The following SGK1 variants were observed in gnomAD, a reference collection of about 807,000 sequenced individuals.
SGK1 encodes the protein serum/glucocorticoid regulated kinase 1.
In SGK1, 26 loss-of-function variants were observed where a neutral mutation model predicts 64.2. The ratio of observed to expected loss-of-function variants is 0.40; its 90% CI spans 0.30 to 0.56. The LOEUF (loss-of-function observed/expected upper bound fraction) is 0.56. SGK1 is among the 20% of genes least tolerant of loss of function. The pLI is 0.38. For synonymous variants in SGK1, 265 were observed against 239.7 expected (o/e 1.11, Z -0.98); for missense variants, 519 against 645.6 (o/e 0.80, Z 2.12).
chr6:134,275,794 T>C (rs1395193732), intron 1 of SGK1, among the ~76,000 whole-genome samples: 1 of 152,184 alleles, frequency 6.6e-6, no homozygotes, highest in Non-Finnish European at 1.5e-5. Flanking sequence ...CTCTTAAAGA[T>C]TGTTCTCCTG....
At chr6:134,210,864 G>A (rs112445799) in intron 2 of SGK1, among the ~76,000 whole-genome samples, 118 of 142,676 alleles carry the variant, frequency 8.3e-4, no homozygotes, top group African/African-American at 2.9e-3. Context: ...GGTGGCTCAC[G>A]CCTGTAATCC....
chr6:134,296,125 A>G (rs933354600), intron 1 of SGK1, among the ~76,000 whole-genome samples: 1 of 152,182 alleles, frequency 6.6e-6, no homozygotes, highest in Non-Finnish European at 1.5e-5. Context: ...GAGTCTTCTT[A>G]TCTGTGTGAC....
chr6:134,307,219 C>T (rs968773394), intron 1 of SGK1, among the ~76,000 whole-genome samples: 6 of 152,148 alleles, frequency 3.9e-5, no homozygotes, highest in Admixed American at 3.3e-4. Context: ...TTAGTGACAA[C>T]GTAGAGAAGG....
intron 3 of SGK1, among the ~76,000 whole-genome samples, chr6:134,177,225 CAAACAAAAACA>C (rs1775256394): frequency 3.7e-5 from 4 of 109,098 alleles, no homozygotes; most frequent in East Asian, 2.0e-4. Flanking sequence ...AACAAACAAA[CAAACAAAAACA>C]AAACAAAAAC....
chr6:134,241,714 G>C (rs1265505435), intron 2 of SGK1, among the ~76,000 whole-genome samples: 1 of 152,046 alleles, frequency 6.6e-6, no homozygotes, highest in African/African-American at 2.4e-5. Context: ...TCCGCCTCCC[G>C]GGTTCAGGCC....
chr6:134,231,028 A>T (rs1776270322), intron 2 of SGK1, among the ~76,000 whole-genome samples: 1 of 152,308 alleles, frequency 6.6e-6, no homozygotes, highest in Middle Eastern at 3.4e-3. Flanking sequence ...AAATGAAATG[A>T]AATGAAATAA....
chr6:134,199,296 C>T (rs1220417836), intron 3 of SGK1, among the ~76,000 whole-genome samples: 2 of 152,126 alleles, frequency 1.3e-5, no homozygotes, highest in Non-Finnish European at 1.5e-5. Flanking sequence ...TGGTGGCTCA[C>T]GCCTGTAATC....
intron 1 of SGK1, chr6:134,298,466 A>G: frequency 1.2e-6 from 1 of 831,172 alleles, no homozygotes. Flanking sequence ...CCACCTCCAG[A>G]TTAAGTGGGC....
intron 2 of SGK1, among the ~76,000 whole-genome samples, chr6:134,237,270 T>C (rs1562261136): frequency 6.6e-6 from 1 of 151,922 alleles, no homozygotes; most frequent in African/African-American, 2.4e-5. Flanking sequence ...TTGCCCAGGC[T>C]GGTCTCAAAC....
At chr6:134,189,231 T>G (rs946711668) in intron 3 of SGK1, among the ~76,000 whole-genome samples, 8 of 147,146 alleles carry the variant, frequency 5.4e-5, no homozygotes, top group Non-Finnish European at 1.1e-4. Flanking sequence ...TGTGTGTGCG[T>G]GTGCGTGTGC....
chr6:134,198,724 C>CTTTTTTTTTTTTTTTTTTTTTTT, intron 3 of SGK1, among the ~76,000 whole-genome samples: 1 of 65,948 alleles, frequency 1.5e-5, no homozygotes, highest in Non-Finnish European at 3.5e-5. Context: ...TTCTCTTTTT[C>CTTTTTTTTTTTTTTTTTTTTTTT]TATTTTTTTT....
chr6:134,265,631 TAC>T lies in SGK1; in HGVS notation c.70-3485_70-3484del, dbSNP rs71545096. Among the ~76,000 whole-genome samples, 1,169 of 144,438 alleles carry T rather than the reference TAC, an allele frequency of 8.1e-3. 19 individuals are homozygous for T. Among genetic ancestry groups the T allele is most frequent in the African/African-American group, 0.028 (1,107 of 38,988 alleles). 94.8% of individuals were successfully genotyped at this position (144,438 alleles called of 152,430 possible). A position where few individuals can be genotyped will look rare whatever the true frequency, so the allele number is the denominator to read the frequency against. ...TTTTATATATATACATATATATATATACATATATATATACACAGAAACACTAT... is the reference window on the plus strand; with the variant it reads ...TTTTATATATATACATATATATATATATATATATATACACAGAAACACTAT... On this transcript the variant is annotated intron_variant, in intron 1 of 13. Transcript: ENST00000367858.
chr6:134,308,235 G>C (rs1777562753), intron 1 of SGK1, among the ~76,000 whole-genome samples: 1 of 151,976 alleles, frequency 6.6e-6, no homozygotes, highest in Admixed American at 6.6e-5. Context: ...TCATTCTATG[G>C]GAAAGATCAC....
chr6:134,190,970 G>A (rs1432061708), intron 3 of SGK1, among the ~76,000 whole-genome samples: 3 of 152,046 alleles, frequency 2.0e-5, no homozygotes, highest in Admixed American at 2.0e-4. Context: ...TGTTTTTGTC[G>A]AAGAGCAATC....
intron 3 of SGK1, among the ~76,000 whole-genome samples, chr6:134,182,985 A>G (rs1041423792): frequency 9.2e-5 from 14 of 152,248 alleles, no homozygotes; most frequent in African/African-American, 3.4e-4. Context: ...GAAGGCAAAT[A>G]TAGACCTATT....
intron 2 of SGK1, chr6:134,215,158 T>G: frequency 2.3e-6 from 1 of 426,380 alleles, no homozygotes; most frequent in South Asian, 1.7e-5. Context: ...GAGAGAGCTT[T>G]GTTGCCCAGG....
intron 3 of SGK1, among the ~76,000 whole-genome samples, chr6:134,188,563 G>A (rs908406889): frequency 6.6e-6 from 1 of 151,974 alleles, no homozygotes; most frequent in African/African-American, 2.4e-5. Flanking sequence ...GTAATTCAGC[G>A]GTGTTACCCA....
At chr6:134,170,947 C>T in intron 12 of SGK1, 32 bp from the exon 13 acceptor site, 1 of 1,605,932 alleles carries the variant, frequency 6.2e-7, no homozygotes, top group Admixed American at 1.7e-5. Context: ...TTAATTTAGA[C>T]AGGTGCATTC....
At position 134,206,714 on chromosome 6, in the gene SGK1, A is replaced by G. The variant is rs1260398912; in HGVS notation, c.361+642T>C. Among the ~76,000 whole-genome samples, 3 of 151,186 alleles carry G rather than the reference A, an allele frequency of 2.0e-5. No homozygotes were observed. In the East Asian group the frequency reaches 5.9e-4, roughly 30 times the overall value. Reference sequence around the variant, plus strand: ...AAACCCTGTCTCCATTAAAAATACAAAAATTATCCAGGCATGGTGGCTCAT... The same window carrying G: ...AAACCCTGTCTCCATTAAAAATACAGAAATTATCCAGGCATGGTGGCTCAT... On this transcript the variant is annotated intron_variant, in intron 3 of 13. Transcript: ENST00000367858.
Sources: allele counts gnomAD v4.1 joint callset (sites outside exome capture counted in the v4.1 genomes callset), GRCh38; gene constraint gnomAD v4.1.1; transcripts MANE v1.5; gene names NCBI Gene and HGNC (gene_info 2026-07-23, HGNC 2026-07-21).